The following TRHDE variants were observed in gnomAD, a reference collection of about 807,000 sequenced individuals.
TRHDE encodes the protein thyrotropin-releasing hormone-degrading ectoenzyme.
TRHDE carries 72 observed loss-of-function variants against 125.7 expected under a neutral mutation model. The observed-to-expected ratio is 0.57, with a 90% CI of 0.47 to 0.70. TRHDE has a LOEUF of 0.70. Ranked by LOEUF, TRHDE falls within the 30% of genes least tolerant of loss-of-function variation. The pLI is 0.00. For missense variants in TRHDE, 1,110 were observed against 1,327.1 expected, an observed-to-expected ratio of 0.84 and a Z score of 2.54; for synonymous variants, 509 against 509.1, an observed-to-expected ratio of 1.00 and a Z score of 0.00.
intron 2 of TRHDE, among the ~76,000 whole-genome samples, chr12:72,248,511 T>C (rs558400111): frequency 0.013 from 1,772 of 134,942 alleles, 42 homozygotes; most frequent in African/African-American, 0.045. Flanking sequence ...CTTTTCCTGA[T>C]TGTGAAATTC....
chr12:72,525,601 T>TTG (rs3081972), intron 6 of TRHDE, among the ~76,000 whole-genome samples: 9,887 of 127,308 alleles, frequency 0.078, 354 homozygotes, highest in Admixed American at 0.12. Context: ...TGTGTGTGGT[T>TTG]TGTGTGTGTG....
chr12:72,589,907 T>A (rs2136046206), intron 12 of TRHDE, among the ~76,000 whole-genome samples: 1 of 152,162 alleles, frequency 6.6e-6, no homozygotes, highest in Non-Finnish European at 1.5e-5. Context: ...CTACTCTTTA[T>A]TGTTTACTTC....
At chr12:72,374,290 GAAGTGT>G (rs1871766434) in intron 2 of TRHDE, among the ~76,000 whole-genome samples, 1 of 120,380 alleles carries the variant, frequency 8.3e-6, no homozygotes, top group South Asian at 2.9e-4. Flanking sequence ...TTTAGAAGGA[GAAGTGT>G]GTGTGTGTGT....
intron 2 of TRHDE, among the ~76,000 whole-genome samples, chr12:72,211,093 G>T (rs1877771258): frequency 6.6e-6 from 1 of 152,200 alleles, no homozygotes; most frequent in African/African-American, 2.4e-5. Context: ...TGAGTCAGGT[G>T]AGTACTGTGC....
At chr12:72,249,612 G>A (rs894424847) in intron 2 of TRHDE, among the ~76,000 whole-genome samples, 5 of 152,164 alleles carry the variant, frequency 3.3e-5, no homozygotes, top group Non-Finnish European at 5.9e-5. Flanking sequence ...CCATATGATA[G>A]ATAACTATAC....
intron 5 of TRHDE, among the ~76,000 whole-genome samples, chr12:72,475,656 A>C (rs1876857748): frequency 6.6e-6 from 1 of 152,196 alleles, no homozygotes; most frequent in African/African-American, 2.4e-5. Flanking sequence ...TGTAAATAAG[A>C]CAACTGAGAC....
chr12:72,212,722 A>G (rs1877809014), intron 2 of TRHDE, among the ~76,000 whole-genome samples: 1 of 152,132 alleles, frequency 6.6e-6, no homozygotes, highest in South Asian at 2.1e-4. Context: ...TGATATTCTT[A>G]TAAGTTGCTA....
chr12:72,232,584 A>G (rs193235534), intron 2 of TRHDE, among the ~76,000 whole-genome samples: 1 of 152,220 alleles, frequency 6.6e-6, no homozygotes, highest in African/African-American at 2.4e-5. Flanking sequence ...TAATAGAGTT[A>G]ATACAGAACT....
intron 2 of TRHDE, among the ~76,000 whole-genome samples, chr12:72,114,700 G>A (rs1875401505): frequency 6.6e-6 from 1 of 152,088 alleles, no homozygotes; most frequent in Admixed American, 6.6e-5. Flanking sequence ...GCAGTGGTTT[G>A]GAGGTGAGAT....
At chr12:72,334,201 C>A (rs1756901160) in intron 2 of TRHDE, among the ~76,000 whole-genome samples, 2 of 152,202 alleles carry the variant, frequency 1.3e-5, no homozygotes, top group Admixed American at 1.3e-4. Flanking sequence ...CATTCATCAT[C>A]ATAATTGCCA....
intron 2 of TRHDE, among the ~76,000 whole-genome samples, chr12:72,219,133 A>G (rs1877952994): frequency 6.6e-6 from 1 of 151,758 alleles, no homozygotes; most frequent in Non-Finnish European, 1.5e-5. Context: ...GTAATAGTAG[A>G]TGGCAATTAT....
chr12:72,616,180 T>C (rs1416342181), intron 12 of TRHDE, among the ~76,000 whole-genome samples: 1 of 152,166 alleles, frequency 6.6e-6, no homozygotes, highest in Non-Finnish European at 1.5e-5. Flanking sequence ...TTTAGAACTT[T>C]TATCAGGTTT....
chr12:72,391,989 C>T (rs1317764020), intron 3 of TRHDE, among the ~76,000 whole-genome samples: 2 of 152,060 alleles, frequency 1.3e-5, no homozygotes, highest in Admixed American at 6.6e-5. Context: ...ACATGGAATC[C>T]TAATGTGATA....
At chr12:72,169,583 A>C (rs775826604) in intron 2 of TRHDE, among the ~76,000 whole-genome samples, 1 of 151,972 alleles carries the variant, frequency 6.6e-6, no homozygotes, top group Non-Finnish European at 1.5e-5. Flanking sequence ...AGTTGGGTGC[A>C]ATGGCTCACA....
chr12:72,411,681 G>A (rs773975248), intron 3 of TRHDE, among the ~76,000 whole-genome samples: 6 of 152,160 alleles, frequency 3.9e-5, no homozygotes, highest in Non-Finnish European at 4.4e-5. Flanking sequence ...GTCAAGAAAA[G>A]CCAAGAAAAT....
chr12:72,524,449 G>A (rs904874675), intron 6 of TRHDE, among the ~76,000 whole-genome samples: 6 of 152,066 alleles, frequency 3.9e-5, no homozygotes, highest in African/African-American at 1.4e-4. Context: ...ACATATATAT[G>A]AGTGATAAAA....
At chr12:72,138,667 G>T (rs1876044658) in intron 2 of TRHDE, among the ~76,000 whole-genome samples, 2 of 152,210 alleles carry the variant, frequency 1.3e-5, no homozygotes, top group South Asian at 2.1e-4. Flanking sequence ...TGTGTGCAAG[G>T]TGAGGTCAAT....
intron 2 of TRHDE, among the ~76,000 whole-genome samples, chr12:72,315,413 AT>A (rs915624978): frequency 1.1e-4 from 16 of 151,774 alleles, no homozygotes; most frequent in African/African-American, 1.9e-4. Flanking sequence ...TATACTTTAG[AT>A]TTTTTTTTCA....
At chr12:72,510,260 C>A (rs935219408) in intron 6 of TRHDE, among the ~76,000 whole-genome samples, 1 of 152,082 alleles carries the variant, frequency 6.6e-6, no homozygotes, top group African/African-American at 2.4e-5. Flanking sequence ...TAATAGATCA[C>A]TATTTTGTGA....
Sources: allele counts gnomAD v4.1 joint callset (sites outside exome capture counted in the v4.1 genomes callset), GRCh38; gene constraint gnomAD v4.1.1; transcripts MANE v1.5; gene names NCBI Gene and HGNC (gene_info 2026-07-23, HGNC 2026-07-21).